Variants in KRT74 observed in about 807,000 individuals in gnomAD.
KRT74 encodes keratin 74, also known as keratin, type II cytoskeletal 74.
Under a neutral mutation model 42.7 loss-of-function variants are expected in KRT74, and 43 were observed. The observed-to-expected ratio is 1.01, with a 90% confidence interval of 0.79 to 1.30. The LOEUF (loss-of-function observed/expected upper bound fraction) is 1.30, where lower values mean the gene tolerates loss of function less well. Among genes scored for constraint, KRT74 ranks in the 50% most tolerant of loss-of-function variants. The pLI, the probability that KRT74 is intolerant of heterozygous loss-of-function variation, is 0.00. For missense variants in KRT74, 736 were observed against 689.1 expected (o/e 1.07, Z -0.76); for synonymous variants, 302 against 279.0 (o/e 1.08, Z -0.82).
Position 52,573,606 on chromosome 12 carries a change from G to C in KRT74, c.172C>G (p.Arg58Gly), listed in dbSNP as rs779026899. 8.3e-5 allele frequency: 134 copies of C among 1,614,012 alleles called. 1 individual carries two copies. The highest frequency in any genetic ancestry group is 6.6e-4 in the Middle Eastern group (4 of 6,084). ...RSLYSLGGNR[R>G]ISFNVAGGGV... The stretch of plus-strand genomic sequence containing the variant: ...CCACCAGCCACATTGAAAGAAATAC[G>C]CCGATTCCCTCCAAGGCTATAGAGG... The change falls in exon 1 of 9, where the codon CGT becomes GGT. Residue 58 changes from arginine to glycine, a missense_variant. By Grantham distance (125) the Arg-to-Gly change is moderately radical (BLOSUM62 -2). Transcript: ENST00000305620.
chr12:52,570,976 T>C lies in KRT74; in HGVS notation c.844-143A>G. ...TAGGGGGAAGAAGTGCCCTCTGGGATGTGTCTGCAGAGCTGAGGGAGAGCA... is the reference window on the plus strand; with the variant it reads ...TAGGGGGAAGAAGTGCCCTCTGGGACGTGTCTGCAGAGCTGAGGGAGAGCA... On this transcript the variant is annotated intron_variant, in intron 4 of 8. Coordinates refer to ENST00000305620, the MANE Select transcript of KRT74 (RefSeq NM_175053.4). 3.1e-6 allele frequency: 3 copies of C among 959,572 alleles called. No individual in the cohort carries two copies. In the South Asian group the frequency reaches 4.2e-5, roughly 13 times the overall value. The allele number at this position is 959,572 out of a possible 1,614,324, so 59.4% of individuals were successfully genotyped here.
At chr12:52,572,901 C>T (rs994349693) in intron 1 of KRT74, among the ~76,000 whole-genome samples, 1 of 152,332 alleles carries the variant, frequency 6.6e-6, no homozygotes, top group Middle Eastern at 3.4e-3. Context: ...CAGCTTTCTT[C>T]TATTGCTCGG....
intron 4 of KRT74, 87 bp downstream of exon 4, chr12:52,571,272 G>A: frequency 1.1e-6 from 1 of 892,410 alleles, no homozygotes; most frequent in Non-Finnish European, 1.9e-6. Context: ...CTTTCATTTT[G>A]TTGATCCTAA....
chr12:52,571,903 G>T, intron 3 of KRT74, 41 bp downstream of exon 3: 1 of 1,285,956 alleles, frequency 7.8e-7, no homozygotes, highest in Non-Finnish European at 1.1e-6. Context: ...TTAAGATGGG[G>T]GTGCGAGAGA....
rs1484413627 is a variant in KRT74 at position 52,568,453 on chromosome 12, G to A, written c.1135-64C>T. 3.9e-6 allele frequency: 6 copies of A among 1,540,098 alleles called. No homozygotes were observed. In the South Asian group the frequency reaches 4.6e-5, roughly 12 times the overall value. ...ATTACATTTAGCTCATACCAGTTAA[G>A]TAGAACAATGCCCTCATTTTGCAGA... On this transcript the variant is annotated intron_variant, in intron 6 of 8. Coordinates refer to ENST00000305620, the MANE Select transcript of KRT74 (RefSeq NM_175053.4).
At chr12:52,569,735 TG>T in intron 6 of KRT74, 123 bp downstream of exon 6, 1 of 1,250,306 alleles carries the variant, frequency 8.0e-7, no homozygotes, top group Non-Finnish European at 1.2e-6. Context: ...AGGGAGACTG[TG>T]GGTGGCCGAG....
rs1310535720 is a variant in KRT74 at position 52,572,023 on chromosome 12, G to C, written c.687-19C>G. 1.9e-6 allele frequency: 3 copies of C among 1,558,944 alleles called. No homozygotes were observed. The African/African-American group carries it at 4.1e-5, about 21-fold the overall frequency. On this transcript the variant is annotated intron_variant, in intron 2 of 8. Coordinates refer to ENST00000305620, the MANE Select transcript of KRT74 (RefSeq NM_175053.4). ...TTCATATCTGCCAGCAGGGAGAGTAGATGGCCTTAGCCCCCTTAGCCAAGG... is the reference window on the plus strand; with the variant it reads ...TTCATATCTGCCAGCAGGGAGAGTACATGGCCTTAGCCCCCTTAGCCAAGG...
At position 52,573,567 on chromosome 12, in the gene KRT74, C is replaced by A. The variant is rs1939528628; in HGVS notation, c.211G>T (p.Gly71Ter). The A allele has an allele frequency of 4.3e-6, 7 of 1,614,138 alleles. No homozygotes were observed. The highest frequency in any genetic ancestry group is 5.9e-6 in the Non-Finnish European group (7 of 1,180,040). Residue 71 changes from glycine (G) to a stop codon, truncating the protein, a stop_gained, in exon 1 of 9, where the codon GGA becomes TGA. Transcript: ENST00000305620. LOFTEE classifies it high-confidence loss of function. The stretch of plus-strand genomic sequence containing the variant: ...GAGCCAGGCCTGAAGCCGTAACCTC[C>A]AGCCCGAACGCCGCCACCAGCCACA... The part of the protein sequence containing the change: ...FNVAGGGVRA[G>*]GYGFRPGSGY...
chr12:52,568,062 T>A (rs935317599), intron 7 of KRT74, 107 bp downstream of exon 7: 2 of 1,308,180 alleles, frequency 1.5e-6, no homozygotes, highest in African/African-American at 2.9e-5. Flanking sequence ...AATCACCACA[T>A]CTCTTGCTTG....
intron 6 of KRT74, among the ~76,000 whole-genome samples, chr12:52,568,723 G>A (rs972515912): frequency 1.3e-5 from 2 of 152,220 alleles, no homozygotes; most frequent in Non-Finnish European, 2.9e-5. Context: ...CGATCCCCTA[G>A]CAAGGCCAGC....
chr12:52,573,234 A>T, intron 1 of KRT74, 73 bp downstream of exon 1: 1 of 1,405,852 alleles, frequency 7.1e-7, no homozygotes, highest in Non-Finnish European at 1.0e-6. Flanking sequence ...CACAGTGTGC[A>T]GTCCATTCCC....
intron 1 of KRT74, 57 bp downstream of exon 1, chr12:52,573,250 G>T (rs1367019776): frequency 1.3e-6 from 2 of 1,525,162 alleles, no homozygotes; most frequent in Non-Finnish European, 1.8e-6. Flanking sequence ...TTCCCAGGCA[G>T]CAGGAAAACT....
chr12:52,567,543 C>T (rs1939401324), intron 8 of KRT74, 116 bp downstream of exon 8: 1 of 844,360 alleles, frequency 1.2e-6, no homozygotes, highest in Non-Finnish European at 2.1e-6. Context: ...GCCCAGAAAC[C>T]TTCCCAAGAC....
chr12:52,568,105 C>T, intron 7 of KRT74, 64 bp downstream of exon 7: 3 of 1,577,218 alleles, frequency 1.9e-6, no homozygotes, highest in Admixed American at 1.7e-5. Context: ...CTCCAGGTGG[C>T]CCCTCAGCCA....
chr12:52,570,761 C>T lies in KRT74; in HGVS notation c.916G>A (p.Asp306Asn). Reference protein sequence around the residue: ...ILSMDNNRDLDLDSIIAEVRM... With the variant: ...ILSMDNNRDLNLDSIIAEVRM... ...ACCTCAGCGATGATGCTGTCAAGGT[C>T]CAGGTCCCGGTTGTTGTCCATGGAC... The change falls in exon 5 of 9, where the codon GAC becomes AAC. Residue 306 changes from aspartate to asparagine, a missense_variant. Coordinates refer to ENST00000305620, the MANE Select transcript of KRT74 (RefSeq NM_175053.4). 6.2e-7 allele frequency: 1 copy of T among 1,614,236 alleles called. No homozygotes were observed. Among genetic ancestry groups the T allele is most frequent in the Non-Finnish European group, 8.5e-7 (1 of 1,180,042 alleles).
rs773178985 is a variant in KRT74 at position 52,571,437 on chromosome 12, G to A, written c.765C>T (p.Tyr255=). Residue 255 remains tyrosine (Y), a synonymous_variant, in exon 4 of 9, where the codon TAC becomes TAT. Coordinates refer to ENST00000305620, the MANE Select transcript of KRT74 (RefSeq NM_175053.4). ...TGGCCTGAAGCTCCACCTTGACTGCGTAGGCTGCATCTGCATCCTGCCAAG... is the reference window on the plus strand; with the variant it reads ...TGGCCTGAAGCTCCACCTTGACTGCATAGGCTGCATCTGCATCCTGCCAAG... ...VVLKKDADAA[Y]AVKVELQAKV... The A allele has an allele frequency of 1.5e-5, 25 of 1,613,710 alleles. No homozygotes were observed. Among genetic ancestry groups the A allele is most frequent in the Admixed American group, 3.3e-5 (2 of 60,014 alleles).
chr12:52,572,401 G>T, intron 2 of KRT74, 52 bp downstream of exon 2: 3 of 1,588,330 alleles, frequency 1.9e-6, no homozygotes, highest in Non-Finnish European at 2.6e-6. Flanking sequence ...GATCAGGTGA[G>T]CCCAGAGGCA....
At chr12:52,571,576 T>C in intron 3 of KRT74, 122 bp from the exon 4 acceptor site, 1 of 750,352 alleles carries the variant, frequency 1.3e-6, no homozygotes, top group Non-Finnish European at 2.4e-6. Flanking sequence ...GCTCACTCAA[T>C]ATCAATTTCT....
chr12:52,568,547 A>G (rs1939420914), intron 6 of KRT74, 158 bp from the exon 7 acceptor site: 4 of 751,188 alleles, frequency 5.3e-6, no homozygotes, highest in Non-Finnish European at 6.6e-6. Context: ...TCTATTTTCT[A>G]TTGCAGAGGA....
Sources: allele counts gnomAD v4.1 joint callset (sites outside exome capture counted in the v4.1 genomes callset), GRCh38; gene constraint gnomAD v4.1.1; transcripts MANE v1.5; gene names NCBI Gene and HGNC (gene_info 2026-07-23, HGNC 2026-07-21).